The following C8orf34 variants were observed in gnomAD, a reference collection of about 807,000 sequenced individuals.
C8orf34 encodes chromosome 8 open reading frame 34, also known as uncharacterized protein C8orf34.
Under a neutral mutation model 68.3 loss-of-function variants are expected in C8orf34, and 65 were observed. The observed-to-expected ratio is 0.95, with a 90% CI of 0.78 to 1.17. The LOEUF is 1.17. C8orf34 is among the 50% of genes most tolerant of loss of function. The pLI, the probability that C8orf34 is intolerant of heterozygous loss-of-function variation, is 0.00. For synonymous variants in C8orf34, 244 were observed against 241.2 expected (o/e 1.01, Z -0.11); for missense variants, 664 against 655.4 (o/e 1.01, Z -0.14).
At position 68,710,737 on chromosome 8, in the gene C8orf34, C is replaced by G. The variant is rs1821308423; in HGVS notation, c.1327+1658C>G. Among the ~76,000 whole-genome samples the G allele has an allele frequency of 3.3e-5, 5 of 152,120 alleles. No homozygotes were observed. In the South Asian group the frequency reaches 1.0e-3, roughly 32 times the overall value. ...CAAAGGGCACAGTTTCTTGGGAGCT[C>G]TATGGCCCTGCCCACCACCTGAGAA... is the stretch of plus-strand genomic sequence containing the variant. On this transcript the variant is annotated intron_variant, in intron 9 of 13. Coordinates refer to ENST00000518698, the MANE Select transcript of C8orf34 (RefSeq NM_052958.4).
At chr8:68,490,040 C>A (rs1315328112) in intron 5 of C8orf34, among the ~76,000 whole-genome samples, 2 of 152,204 alleles carry the variant, frequency 1.3e-5, no homozygotes, top group Non-Finnish European at 2.9e-5. Flanking sequence ...GTAGGCATGG[C>A]TTTCCGGCCT....
At chr8:68,788,216 T>C (rs930461869) in intron 12 of C8orf34, among the ~76,000 whole-genome samples, 1 of 152,226 alleles carries the variant, frequency 6.6e-6, no homozygotes, top group Admixed American at 6.5e-5. Flanking sequence ...TGTGATAATG[T>C]AGCCCTCATG....
At chr8:68,650,871 C>T (rs1366068039) in intron 8 of C8orf34, among the ~76,000 whole-genome samples, 1 of 152,176 alleles carries the variant, frequency 6.6e-6, no homozygotes, top group East Asian at 1.9e-4. Context: ...AAAAGGGAGC[C>T]TCCATGTTGA....
rs35661495 is a variant in C8orf34, at chr8:68,466,738, C to CATATATATATATATAT, written c.608-1942_608-1927dup. Among the ~76,000 whole-genome samples the CATATATATATATATAT allele has an allele frequency of 6.4e-3, 771 of 120,454 alleles. 16 individuals are homozygous for CATATATATATATATAT. The highest frequency in any genetic ancestry group is 0.011 in the African/African-American group (298 of 27,130). 79.0% of individuals were successfully genotyped at this position (120,454 alleles called of 152,430 possible). A position where few individuals can be genotyped will look rare whatever the true frequency, so the allele number is the denominator to read the frequency against. On this transcript the variant is annotated intron_variant, in intron 3 of 13. Transcript: ENST00000518698. ...TTCTGTGAAAATAAACAACGTTGTACATATATATATATATATATATATATA... is the reference window on the plus strand; with the variant it reads ...TTCTGTGAAAATAAACAACGTTGTACATATATATATATATATATATATATATATATATATATATATA...
intron 7 of C8orf34, among the ~76,000 whole-genome samples, chr8:68,558,601 G>C (rs1451038920): frequency 6.6e-6 from 1 of 151,930 alleles, no homozygotes; most frequent in Non-Finnish European, 1.5e-5. Context: ...TAGGGCGAGT[G>C]GGAAAGAGAG....
chr8:68,582,959 A>G (rs1817109243), intron 7 of C8orf34, among the ~76,000 whole-genome samples: 1 of 152,118 alleles, frequency 6.6e-6, no homozygotes, highest in East Asian at 1.9e-4. Context: ...TTCTCCATTG[A>G]TAAGAGTCTT....
chr8:68,441,200 G>A (rs1424344889), intron 2 of C8orf34, among the ~76,000 whole-genome samples: 1 of 152,138 alleles, frequency 6.6e-6, no homozygotes, highest in East Asian at 1.9e-4. Context: ...AGTCTCACAA[G>A]GCTACAAATC....
intron 3 of C8orf34, among the ~76,000 whole-genome samples, chr8:68,467,371 C>A (rs1812193937): frequency 6.6e-6 from 1 of 151,912 alleles, no homozygotes; most frequent in South Asian, 2.1e-4. Context: ...TTTGCCAAAC[C>A]CTGCCCAAAG....
chr8:68,354,257 C>T lies in C8orf34; in HGVS notation c.327+22918C>T, dbSNP rs139796152. On this transcript the variant is annotated intron_variant, in intron 1 of 13. Coordinates refer to ENST00000518698, the MANE Select transcript of C8orf34 (RefSeq NM_052958.4). Reference sequence around the variant, plus strand: ...GTATAGTTCAATTCTGTAGAACTCACTGTTGTAGAAAACTTATACCCAATT... The same window carrying T: ...GTATAGTTCAATTCTGTAGAACTCATTGTTGTAGAAAACTTATACCCAATT... 3.9e-4 allele frequency among the ~76,000 whole-genome samples: 59 copies of T among 152,212 alleles called. 1 individual carries two copies. In the East Asian group the frequency reaches 0.011, roughly 27 times the overall value.
chr8:68,550,299 A>G (rs556674916), intron 7 of C8orf34, among the ~76,000 whole-genome samples: 1 of 151,814 alleles, frequency 6.6e-6, no homozygotes, highest in African/African-American at 2.4e-5. Context: ...GAATATATAT[A>G]TTTATAGCTA....
chr8:68,651,575 G>T (rs1585675295), intron 8 of C8orf34, among the ~76,000 whole-genome samples: 1 of 152,192 alleles, frequency 6.6e-6, no homozygotes, highest in South Asian at 2.1e-4. Flanking sequence ...CTATGAAAAA[G>T]AATAAAATCC....
intron 7 of C8orf34, among the ~76,000 whole-genome samples, chr8:68,607,164 A>G (rs868378054): frequency 3.3e-5 from 5 of 152,156 alleles, no homozygotes; most frequent in Admixed American, 2.0e-4. Flanking sequence ...CAAAGAAGAA[A>G]AGGATTATTA....
intron 10 of C8orf34, among the ~76,000 whole-genome samples, chr8:68,755,536 C>T (rs2129527784): frequency 6.6e-6 from 1 of 152,252 alleles, no homozygotes; most frequent in East Asian, 1.9e-4. Context: ...GAAACTGCTG[C>T]CGGGAGGCTC....
intron 3 of C8orf34, among the ~76,000 whole-genome samples, chr8:68,459,007 A>C (rs952247247): frequency 1.4e-4 from 22 of 152,332 alleles, no homozygotes; most frequent in African/African-American, 4.8e-4. Context: ...CTACTCCCCT[A>C]GAAATAGTTT....
intron 1 of C8orf34, among the ~76,000 whole-genome samples, chr8:68,331,855 T>TA (rs1805624954): frequency 8.1e-6 from 1 of 123,890 alleles, no homozygotes; most frequent in African/African-American, 3.1e-5. Context: ...AGGAGGTGCT[T>TA]AGCAGTTAAT....
At chr8:68,352,017 G>A (rs933501289) in intron 1 of C8orf34, among the ~76,000 whole-genome samples, 30 of 151,980 alleles carry the variant, frequency 2.0e-4, no homozygotes, top group African/African-American at 6.5e-4. Flanking sequence ...GTTTGTTAAG[G>A]TCTTTGGAAC....
At chr8:68,410,415 T>C (rs750274848) in intron 1 of C8orf34, among the ~76,000 whole-genome samples, 81 of 152,224 alleles carry the variant, frequency 5.3e-4, no homozygotes, top group Non-Finnish European at 1.1e-3. Context: ...TTACATTGTA[T>C]TAGCCATTAC....
chr8:68,794,505 A>ATTTTTTTTTTTT (rs57673879), intron 12 of C8orf34, among the ~76,000 whole-genome samples: 1 of 62,230 alleles, frequency 1.6e-5, no homozygotes, highest in Non-Finnish European at 2.6e-5. Flanking sequence ...ATATATATAT[A>ATTTTTTTTTTTT]TTTTTTTTTT....
At chr8:68,812,787 A>G (rs149703008) in intron 12 of C8orf34, among the ~76,000 whole-genome samples, 162 of 152,298 alleles carry the variant, frequency 1.1e-3, no homozygotes, top group African/African-American at 3.8e-3. Context: ...ACTTTTAAAG[A>G]TCACTTGAGA....
Sources: gnomAD v4.1 joint callset for allele counts (sites outside exome capture counted in the v4.1 genomes callset) on GRCh38, gnomAD v4.1.1 for gene constraint, MANE v1.5 for transcripts, NCBI Gene and HGNC (gene_info 2026-07-23, HGNC 2026-07-21) for gene names.